Variants in SH3RF1 observed in about 807,000 individuals in gnomAD.
SH3RF1 encodes E3 ubiquitin-protein ligase SH3RF1.
In SH3RF1, 32 loss-of-function variants were observed where a neutral mutation model predicts 74.0. The ratio of observed to expected loss-of-function variants is 0.43; its 90% CI spans 0.33 to 0.58. The LOEUF (loss-of-function observed/expected upper bound fraction) is 0.58, where lower values mean the gene tolerates loss of function less well. SH3RF1 is among the 20% of genes least tolerant of loss of function. The pLI, the probability that SH3RF1 is intolerant of heterozygous loss-of-function variation, is 0.05. For missense variants in SH3RF1, 954 were observed against 1,130.9 expected, an observed-to-expected ratio of 0.84 and a Z score of 2.24; for synonymous variants, 396 against 439.6, an observed-to-expected ratio of 0.90 and a Z score of 1.24.
At chr4:169,268,320 CCAA>C in intron 2 of SH3RF1, among the ~76,000 whole-genome samples, 1 of 152,140 alleles carries the variant, frequency 6.6e-6, no homozygotes, top group East Asian at 1.9e-4. Flanking sequence ...AAGAATTCCA[CCAA>C]CGAGTAAATT....
At chr4:169,176,230 A>T (rs1032911604) in intron 2 of SH3RF1, among the ~76,000 whole-genome samples, 1 of 152,184 alleles carries the variant, frequency 6.6e-6, no homozygotes, top group African/African-American at 2.4e-5. Flanking sequence ...ACATTGGTGA[A>T]AGGAATAAAC....
chr4:169,188,419 G>C (rs1734645503), intron 2 of SH3RF1, among the ~76,000 whole-genome samples: 1 of 152,074 alleles, frequency 6.6e-6, no homozygotes, highest in Non-Finnish European at 1.5e-5. Flanking sequence ...ACAAATCCAG[G>C]CAGCTCTGTG....
At chr4:169,158,746 C>T (rs775142717) in intron 2 of SH3RF1, among the ~76,000 whole-genome samples, 1 of 152,174 alleles carries the variant, frequency 6.6e-6, no homozygotes, top group Non-Finnish European at 1.5e-5. Context: ...GCCCCCCGAC[C>T]TGTAAAAAGT....
rs1731441801 is a variant in SH3RF1 at position 169,270,941 on chromosome 4, C to T, written c.-178G>A. On this transcript the variant is annotated 5_prime_UTR_variant, in exon 1 of 12. Transcript: ENST00000284637. ...GCAGATGCGGCCCCACCGCGCTCGCCGCTCGCAGTGTCTCTGACGCCGCGG... is the reference window on the plus strand; with the variant it reads ...GCAGATGCGGCCCCACCGCGCTCGCTGCTCGCAGTGTCTCTGACGCCGCGG... The T allele has an allele frequency of 6.6e-6, 1 of 152,262 alleles. No individual in the cohort carries two copies. The highest frequency in any genetic ancestry group is 6.5e-5 in the Admixed American group (1 of 15,280). The allele number at this position is 152,262 out of a possible 1,614,324, so 9.4% of individuals were successfully genotyped here.
In SH3RF1 at chr4:169,239,411, AG is replaced by A. The variant is rs529568080; in HGVS notation, c.393+29408del. Among the ~76,000 whole-genome samples the A allele has an allele frequency of 1.8e-4, 28 of 152,326 alleles. 1 individual carries two copies. The East Asian group carries it at 4.8e-3, about 26-fold the overall frequency. On this transcript the variant is annotated intron_variant, in intron 2 of 11. Coordinates refer to ENST00000284637, the MANE Select transcript of SH3RF1 (RefSeq NM_020870.4). ...TTAATGAAGTGAGTTCTGAATCACA[AG>A]TGCTGTTCAGAAAACAAAAAAAGAC... is the stretch of plus-strand genomic sequence containing the variant.
At chr4:169,100,054 C>T (rs186063025) in intron 11 of SH3RF1, among the ~76,000 whole-genome samples, 2 of 152,310 alleles carry the variant, frequency 1.3e-5, no homozygotes, top group Non-Finnish European at 2.9e-5. Context: ...CTATTTCAGG[C>T]ATTGAAAGGC....
At chr4:169,126,054 G>T (rs997319919) in intron 6 of SH3RF1, among the ~76,000 whole-genome samples, 1 of 152,194 alleles carries the variant, frequency 6.6e-6, no homozygotes, top group Non-Finnish European at 1.5e-5. Flanking sequence ...TTAATAATTA[G>T]AAATAGTTTA....
chr4:169,127,609 T>C (rs1378449596), intron 6 of SH3RF1, among the ~76,000 whole-genome samples: 1 of 152,238 alleles, frequency 6.6e-6, no homozygotes. Context: ...TTAAATGAAA[T>C]TGGCACAGTA....
chr4:169,147,327 T>C, intron 4 of SH3RF1, among the ~76,000 whole-genome samples: 1 of 152,226 alleles, frequency 6.6e-6, no homozygotes, highest in African/African-American at 2.4e-5. Context: ...GTTATGAACA[T>C]GGAATTGTCA....
intron 2 of SH3RF1, among the ~76,000 whole-genome samples, chr4:169,179,313 G>C (rs764117103): frequency 7.2e-5 from 11 of 152,280 alleles, no homozygotes; most frequent in Non-Finnish European, 1.3e-4. Flanking sequence ...TTTGTCCTTA[G>C]AGCCACCAAA....
At chr4:169,121,574 G>A (rs1340181015) in intron 7 of SH3RF1, among the ~76,000 whole-genome samples, 2 of 152,130 alleles carry the variant, frequency 1.3e-5, no homozygotes, top group African/African-American at 4.8e-5. Context: ...CTGTGCCCAC[G>A]AACACATGGT....
chr4:169,197,660 G>A (rs1734838674), intron 2 of SH3RF1, among the ~76,000 whole-genome samples: 1 of 146,260 alleles, frequency 6.8e-6, no homozygotes, highest in Non-Finnish European at 1.5e-5. Context: ...GAATAATTGT[G>A]TTTGTTGTTA....
At chr4:169,170,361 G>A (rs556592240) in intron 2 of SH3RF1, among the ~76,000 whole-genome samples, 26 of 152,220 alleles carry the variant, frequency 1.7e-4, no homozygotes, top group East Asian at 9.7e-4. Flanking sequence ...TAAGCATTTC[G>A]TGTATACTGC....
In SH3RF1 at chr4:169,269,119, A is replaced by G; in HGVS notation, c.94T>C (p.Phe32Leu). 1 of 1,614,080 alleles carries G rather than the reference A, an allele frequency of 6.2e-7. No homozygotes were observed. The highest frequency in any genetic ancestry group is 8.5e-7 in the Non-Finnish European group (1 of 1,180,018). The change falls in exon 2 of 12, where the codon TTT becomes CTT. Residue 32 changes from phenylalanine to leucine, a missense_variant. Physicochemically the swap from Phe to Leu is conservative, Grantham distance 22. Coordinates refer to ENST00000284637, the MANE Select transcript of SH3RF1 (RefSeq NM_020870.4). ...SAKVLPCQHT[F>L]CKRCLLGIVG... ...ATCCCCAGCAAACATCGCTTGCAAA[A>G]CGTATGCTGGCAAGGCAAGACCTTC...
At chr4:169,174,715 A>T (rs1734389571) in intron 2 of SH3RF1, among the ~76,000 whole-genome samples, 1 of 152,130 alleles carries the variant, frequency 6.6e-6, no homozygotes, top group Non-Finnish European at 1.5e-5. Flanking sequence ...TCAACTAGGG[A>T]GTCATTTTTT....
chr4:169,217,443 A>C (rs779441579), intron 2 of SH3RF1: 7 of 152,346 alleles, frequency 4.6e-5, no homozygotes, highest in Non-Finnish European at 8.8e-5. Context: ...GAGAAACAGG[A>C]AATCAAGGCA....
chr4:169,159,815 T>C lies in SH3RF1; in HGVS notation c.394-3136A>G, dbSNP rs1251371871. 2.0e-5 allele frequency among the ~76,000 whole-genome samples: 3 copies of C among 152,216 alleles called. No homozygotes were observed. The East Asian group carries it at 5.8e-4, about 29-fold the overall frequency. ...ACATAGCAATTACATTTTTAATACA[T>C]ATTCACTGTATAACAATGCAAAGAA... On this transcript the variant is annotated intron_variant, in intron 2 of 11. Transcript: ENST00000284637.
At chr4:169,135,172 T>TAAAAACAA (rs1733681220) in intron 5 of SH3RF1, among the ~76,000 whole-genome samples, 1 of 83,252 alleles carries the variant, frequency 1.2e-5, no homozygotes, top group Admixed American at 1.5e-4. Flanking sequence ...CCATCTCTAT[T>TAAAAACAA]AAAAACAAAC....
Position 169,137,134 on chromosome 4 carries a change from T to A in SH3RF1, c.766-514A>T, listed in dbSNP as rs114098947. ...AAATGAACTCATGTGCTTCCATGTA[T>A]ATTTACCTCCTGCCTTTCTTTCTGT... On this transcript the variant is annotated intron_variant, in intron 4 of 11. Transcript: ENST00000284637. Among the ~76,000 whole-genome samples the A allele has an allele frequency of 4.2e-3, 646 of 152,340 alleles. 4 individuals carry two copies. The highest frequency in any genetic ancestry group is 0.014 in the African/African-American group (599 of 41,576).
Sources: gnomAD v4.1 joint callset for allele counts (sites outside exome capture counted in the v4.1 genomes callset) on GRCh38, gnomAD v4.1.1 for gene constraint, MANE v1.5 for transcripts, NCBI Gene and HGNC (gene_info 2026-07-23, HGNC 2026-07-21) for gene names.